Variants in CAMK2D observed in about 807,000 individuals in gnomAD.
CAMK2D encodes calcium/calmodulin-dependent protein kinase type II subunit delta.
A neutral mutation model predicts 84.0 loss-of-function variants in CAMK2D; 37 were observed. That is an observed-to-expected ratio of 0.44 (90% confidence interval 0.34 to 0.58). The LOEUF (loss-of-function observed/expected upper bound fraction) is 0.58, where lower values mean the gene tolerates loss of function less well. Ranked by LOEUF, CAMK2D falls within the 20% of genes least tolerant of loss-of-function variation. The probability of loss-of-function intolerance (pLI) is 0.02; values close to 1 mark genes in which losing one functional copy is unlikely to be tolerated. For synonymous variants in CAMK2D, 202 were observed against 212.5 expected, an observed-to-expected ratio of 0.95 and a Z score of 0.43; for missense variants, 448 against 652.5, an observed-to-expected ratio of 0.69 and a Z score of 3.41.
intron 16 of CAMK2D, among the ~76,000 whole-genome samples, chr4:113,470,645 G>GAA (rs58054814): frequency 0.19 from 26,066 of 139,352 alleles, 2,679 homozygotes; most frequent in South Asian, 0.38. Flanking sequence ...TCAAAAAAAA[G>GAA]AAAAAAAAAA....
At chr4:113,570,114 G>T (rs2098745509) in intron 4 of CAMK2D, among the ~76,000 whole-genome samples, 1 of 151,994 alleles carries the variant, frequency 6.6e-6, no homozygotes. Flanking sequence ...ATTGATAAAA[G>T]AAATTGAAGA....
chr4:113,466,887 T>G (rs2097479312), intron 16 of CAMK2D, among the ~76,000 whole-genome samples: 1 of 152,246 alleles, frequency 6.6e-6, no homozygotes, highest in Non-Finnish European at 1.5e-5. Flanking sequence ...TAAATTGTTA[T>G]TAAACTTTCT....
intron 2 of CAMK2D, among the ~76,000 whole-genome samples, chr4:113,753,138 G>A (rs564269471): frequency 1.3e-5 from 2 of 152,146 alleles, no homozygotes; most frequent in East Asian, 3.9e-4. Flanking sequence ...TTATACAAGA[G>A]CCTCAGTATT....
chr4:113,563,345 T>C (rs576720796), intron 4 of CAMK2D, among the ~76,000 whole-genome samples: 7 of 152,354 alleles, frequency 4.6e-5, no homozygotes, highest in Middle Eastern at 3.4e-3. Flanking sequence ...GTTAAGTTAC[T>C]ACAATGCAAA....
At chr4:113,745,199 C>A (rs768918806) in intron 2 of CAMK2D, among the ~76,000 whole-genome samples, 1 of 152,140 alleles carries the variant, frequency 6.6e-6, no homozygotes, top group Non-Finnish European at 1.5e-5. Flanking sequence ...GTGTTTTTAA[C>A]CTTTTCTTTC....
chr4:113,479,363 A>G (rs1372023038), intron 16 of CAMK2D, among the ~76,000 whole-genome samples: 1 of 152,216 alleles, frequency 6.6e-6, no homozygotes, highest in Admixed American at 6.5e-5. Flanking sequence ...ACAGTTGAAC[A>G]TATCCAGAGA....
chr4:113,613,166 T>A (rs116884259), intron 3 of CAMK2D, among the ~76,000 whole-genome samples: 1 of 152,314 alleles, frequency 6.6e-6, no homozygotes, highest in East Asian at 1.9e-4. Flanking sequence ...GCAAGAGTTA[T>A]ATTATTTAAT....
chr4:113,642,500 C>G (rs2099136210), intron 3 of CAMK2D, among the ~76,000 whole-genome samples: 1 of 152,188 alleles, frequency 6.6e-6, no homozygotes, highest in African/African-American at 2.4e-5. Flanking sequence ...CTCACACATA[C>G]AAGTGTCATC....
chr4:113,646,378 G>T (rs1459818233), intron 3 of CAMK2D, among the ~76,000 whole-genome samples: 1 of 152,128 alleles, frequency 6.6e-6, no homozygotes, highest in Admixed American at 6.5e-5. Context: ...CATACTACTG[G>T]GTAGAAAACA....
Position 113,525,292 on chromosome 4 carries a change from GGA to G in CAMK2D, c.601+5922_601+5923del, listed in dbSNP as rs528528553. ...ACAACACATATGTACATAGGGTGCG[GGA>G]GAGACCTATGTTATAGGCTTGCATT... On this transcript the variant is annotated intron_variant, in intron 8 of 20. Coordinates refer to ENST00000511664, the MANE Select transcript of CAMK2D (RefSeq NM_001321571.2). Among the ~76,000 whole-genome samples, 113 of 152,268 alleles carry G rather than the reference GGA, an allele frequency of 7.4e-4. 4 individuals carry two copies. The South Asian group carries it at 0.016, about 22-fold the overall frequency.
chr4:113,683,429 T>A (rs186772823), intron 2 of CAMK2D, among the ~76,000 whole-genome samples: 4 of 152,238 alleles, frequency 2.6e-5, no homozygotes, highest in Admixed American at 2.6e-4. Flanking sequence ...GGGGAGATGG[T>A]ACTCCCAATG....
chr4:113,534,179 C>T (rs1286860078), intron 7 of CAMK2D, among the ~76,000 whole-genome samples: 2 of 151,972 alleles, frequency 1.3e-5, no homozygotes, highest in Non-Finnish European at 2.9e-5. Context: ...AATGGCAGAT[C>T]ATAATGAATA....
intron 4 of CAMK2D, among the ~76,000 whole-genome samples, chr4:113,556,847 C>T (rs568453502): frequency 2.6e-5 from 4 of 152,152 alleles, no homozygotes; most frequent in South Asian, 2.1e-4. Flanking sequence ...AGCACATGAC[C>T]GATAATGGGA....
At chr4:113,626,075 G>A (rs931168884) in intron 3 of CAMK2D, among the ~76,000 whole-genome samples, 12 of 151,814 alleles carry the variant, frequency 7.9e-5, no homozygotes, top group African/African-American at 2.4e-4. Flanking sequence ...TGACACCAAA[G>A]GTACAATGAG....
At position 113,547,664 on chromosome 4, in the gene CAMK2D, C is replaced by T. The variant is rs926692397; in HGVS notation, c.394G>A (p.Val132Met). 3.2e-6 allele frequency: 5 copies of T among 1,567,740 alleles called. No homozygotes were observed. The highest frequency in any genetic ancestry group is 1.2e-5 in the South Asian group (1 of 86,092). The stretch of plus-strand genomic sequence containing the variant: ...CTCACCTTCAGGTCCCGATGGACCA[C>T]GCCCATCTGATGGCAGTGTAGCACA... Reference protein sequence around the residue: ...EAVLHCHQMGVVHRDLKPENL... With the variant: ...EAVLHCHQMGMVHRDLKPENL... Residue 132 changes from valine (V) to methionine (M), a missense_variant, in exon 6 of 21, where the codon GTG (valine) becomes ATG (methionine). This residue lies in a region of CAMK2D where 60 missense variants were observed against 70.0 expected (regional missense o/e 0.86). Transcript: ENST00000511664.
chr4:113,686,881 C>T (rs2099361391), intron 2 of CAMK2D, among the ~76,000 whole-genome samples: 1 of 151,982 alleles, frequency 6.6e-6, no homozygotes, highest in South Asian at 2.1e-4. Flanking sequence ...CACACACACA[C>T]ACACACACAT....
In CAMK2D at chr4:113,714,952, G is replaced by T. The variant is rs1180379648; in HGVS notation, c.160+44368C>A. Among the ~76,000 whole-genome samples, 5 of 151,972 alleles carry T rather than the reference G, an allele frequency of 3.3e-5. 1 individual carries two copies. The highest frequency in any genetic ancestry group is 6.6e-5 in the Admixed American group (1 of 15,228). On this transcript the variant is annotated intron_variant, in intron 2 of 20. Transcript: ENST00000511664. ...GGTATTTTGCAACTAAAATTTTATT[G>T]AATTTATAGATTAATTTGGGGAGAC... is the stretch of plus-strand genomic sequence containing the variant.
chr4:113,547,731 C>G lies in CAMK2D; in HGVS notation c.342-15G>C, dbSNP rs1281381445. ...GAATGCAATGACTGCATGCAAACAC[C>G]AGGGGGCGTGTGTTAGTTCCAAGCT... On this transcript the variant is annotated splice_polypyrimidine_tract_variant and intron_variant, in intron 5 of 20. Coordinates refer to ENST00000511664, the MANE Select transcript of CAMK2D (RefSeq NM_001321571.2). 2.0e-6 allele frequency: 3 copies of G among 1,527,298 alleles called. No homozygotes were observed. Among genetic ancestry groups the G allele is most frequent in the Middle Eastern group, 3.4e-4 (2 of 5,878 alleles). 94.6% of individuals were successfully genotyped at this position (1,527,298 alleles called of 1,614,324 possible).
chr4:113,580,317 C>T (rs2098801900), intron 4 of CAMK2D, among the ~76,000 whole-genome samples: 2 of 152,182 alleles, frequency 1.3e-5, no homozygotes, highest in Admixed American at 1.3e-4. Context: ...AGTTTATACT[C>T]TCACATGAAC....
Sources: gnomAD v4.1 joint callset for allele counts (sites outside exome capture counted in the v4.1 genomes callset) on GRCh38, gnomAD v4.1.1 for gene constraint, gnomAD v4.1.1 regional missense constraint, MANE v1.5 for transcripts, NCBI Gene and HGNC (gene_info 2026-07-23, HGNC 2026-07-21) for gene names.